Variants in ANK2 observed in about 807,000 individuals in gnomAD.
ANK2 encodes ankyrin 2.
Under a neutral mutation model 360.5 loss-of-function variants are expected in ANK2, and 83 were observed. The ratio of observed to expected loss-of-function variants is 0.23; its 90% CI spans 0.19 to 0.28. The LOEUF (loss-of-function observed/expected upper bound fraction) is 0.28, where lower values mean the gene tolerates loss of function less well. Among genes scored for constraint, ANK2 ranks in the 10% least tolerant of loss-of-function variants. The pLI is 1.00. For synonymous variants in ANK2, 1,740 were observed against 1,759.5 expected, an observed-to-expected ratio of 0.99 and a Z score of 0.28; for missense variants, 4,201 against 4,795.7, an observed-to-expected ratio of 0.88 and a Z score of 3.66.
chr4:113,367,936 T>A, intron 42 of ANK2, 85 bp downstream of exon 42: 1 of 1,502,238 alleles, frequency 6.7e-7, no homozygotes, highest in East Asian at 2.3e-5. Context: ...CATAACTAGT[T>A]TTTAAATACT....
At chr4:112,933,299 A>C (rs113363497) in intron 2 of ANK2, among the ~76,000 whole-genome samples, 2 of 152,174 alleles carry the variant, frequency 1.3e-5, no homozygotes, top group East Asian at 3.8e-4. Context: ...TCACTTTACA[A>C]GTCTCCCTCT....
chr4:112,822,744 CA>C (rs34963478), intron 1 of ANK2, among the ~76,000 whole-genome samples: 31 of 137,512 alleles, frequency 2.3e-4, no homozygotes, highest in Admixed American at 4.3e-4. Flanking sequence ...AACCCTGTCT[CA>C]AAAAAAAAAA....
chr4:112,820,864 G>A (rs1238043254), intron 1 of ANK2, among the ~76,000 whole-genome samples: 1 of 152,078 alleles, frequency 6.6e-6, no homozygotes, highest in Non-Finnish European at 1.5e-5. Flanking sequence ...AGACTCCTGA[G>A]TGACTGGGAC....
chr4:112,758,346 A>G, the ANK2 span, among the ~76,000 whole-genome samples: 4 of 152,316 alleles, frequency 2.6e-5, no homozygotes, highest in East Asian at 7.7e-4. Context: ...AATACGCTGC[A>G]TAATCTTTCA....
Position 113,258,139 on chromosome 4 carries a change from T to A in ANK2, c.1278T>A (p.Ala426=). ...TGAAATATGGGGCTTCAATCCAAGC[T>A]ATAACAGAGGTAGAAAAATGTTTTA... ...LLVKYGASIQ[A]ITESGLTPIH... The change falls in exon 12 of 46, where the codon GCT becomes GCA. Residue 426 remains alanine (A), a synonymous_variant. Transcript: ENST00000357077. 1 of 1,613,386 alleles carries A rather than the reference T, an allele frequency of 6.2e-7. No homozygotes were observed. Among genetic ancestry groups the A allele is most frequent in the Non-Finnish European group, 8.5e-7 (1 of 1,179,288 alleles).
At chr4:113,180,278 G>A (rs2098372689) in intron 2 of ANK2, among the ~76,000 whole-genome samples, 1 of 152,192 alleles carries the variant, frequency 6.6e-6, no homozygotes, top group Admixed American at 6.5e-5. Flanking sequence ...TCGGCAGTCA[G>A]CTTCTGCAGG....
intron 4 of ANK2, among the ~76,000 whole-genome samples, chr4:113,227,756 C>T (rs143385016): frequency 2.0e-5 from 3 of 152,148 alleles, no homozygotes; most frequent in Non-Finnish European, 4.4e-5. Flanking sequence ...GGCTTAATTA[C>T]GTAGGTATTT....
At chr4:113,099,762 G>T (rs2092480113) in intron 1 of ANK2, among the ~76,000 whole-genome samples, 1 of 152,012 alleles carries the variant, frequency 6.6e-6, no homozygotes, top group Admixed American at 6.6e-5. Context: ...TGTGGTACTG[G>T]TGAAAGAATT....
rs2153688656 is a variant in ANK2 at position 113,274,569 on chromosome 4, C to T, written c.1603C>T (p.His535Tyr). The T allele has an allele frequency of 1.2e-6, 2 of 1,614,208 alleles. No homozygotes were observed. The highest frequency in any genetic ancestry group is 1.7e-6 in the Non-Finnish European group (2 of 1,180,046). Reference protein sequence around the residue: ...AATTNGYTPLHISAREGQVDV... With the variant: ...AATTNGYTPLYISAREGQVDV... ...CACTACAAATGGGTACACACCACTG[C>T]ACATCTCTGCCCGGGAGGGCCAGGT... The change falls in exon 15 of 46, where the codon CAC (histidine) becomes TAC (tyrosine). Residue 535 changes from histidine (H) to tyrosine (Y), a missense_variant. Transcript: ENST00000357077.
At chr4:113,328,239 T>C (rs1456959488) in intron 26 of ANK2, among the ~76,000 whole-genome samples, 1 of 151,944 alleles carries the variant, frequency 6.6e-6, no homozygotes, top group Admixed American at 6.6e-5. Context: ...TGTGCACCAA[T>C]GGAGGCAGCA....
chr4:112,737,816 A>G, the ANK2 span, among the ~76,000 whole-genome samples: 26 of 152,286 alleles, frequency 1.7e-4, no homozygotes, highest in Non-Finnish European at 2.9e-4. Context: ...CATTTGTACA[A>G]AAGGAGGAAG....
intron 1 of ANK2, among the ~76,000 whole-genome samples, chr4:113,098,783 A>AAC (rs1170908234): frequency 6.6e-6 from 1 of 152,024 alleles, no homozygotes; most frequent in African/African-American, 2.4e-5. Context: ...AAAAATATTG[A>AAC]ACAGAAAGAT....
At chr4:113,292,263 C>T (rs1350192378) in intron 20 of ANK2, among the ~76,000 whole-genome samples, 153 bp from the exon 21 acceptor site, 1 of 152,210 alleles carries the variant, frequency 6.6e-6, no homozygotes, top group African/African-American at 2.4e-5. Flanking sequence ...GGAGTGTTTG[C>T]TGCTGAGAAA....
chr4:113,036,957 T>C (rs2061741192), intron 2 of ANK2, among the ~76,000 whole-genome samples: 1 of 152,012 alleles, frequency 6.6e-6, no homozygotes, highest in African/African-American at 2.4e-5. Flanking sequence ...CACAGCCTGC[T>C]GAATGTGCTG....
chr4:113,353,448 A>T lies in ANK2; in HGVS notation c.4830A>T (p.Glu1610Asp), dbSNP rs969090666. Residue 1610 changes from glutamate to aspartate, a missense_variant, in exon 38 of 46, where the codon GAA becomes GAT. By Grantham distance (45) the Glu-to-Asp change is conservative (BLOSUM62 2). Coordinates refer to ENST00000357077, the MANE Select transcript of ANK2 (RefSeq NM_001148.6). ...IEEARQKAPL[E>D]ITEYPCVEVR... ...AGGCTAGGCAAAAAGCACCTTTAGA[A>T]ATCACTGAATATCCATGTGTAGAAG... is the stretch of plus-strand genomic sequence containing the variant. 6.2e-7 allele frequency: 1 copy of T among 1,614,096 alleles called. No individual in the cohort carries two copies.
At chr4:112,931,130 T>C (rs369626178) in intron 2 of ANK2, among the ~76,000 whole-genome samples, 9 of 151,510 alleles carry the variant, frequency 5.9e-5, no homozygotes, top group East Asian at 5.8e-4. Context: ...CTCACAGTTA[T>C]GATAAGAGGT....
At chr4:112,865,243 T>C (rs2150167428) in intron 1 of ANK2, among the ~76,000 whole-genome samples, 1 of 152,062 alleles carries the variant, frequency 6.6e-6, no homozygotes, top group African/African-American at 2.4e-5. Flanking sequence ...GTCATGAAAC[T>C]TAATGTCGGC....
At chr4:112,858,908 A>G (rs145330592) in intron 1 of ANK2, among the ~76,000 whole-genome samples, 5 of 152,304 alleles carry the variant, frequency 3.3e-5, no homozygotes, top group Admixed American at 6.5e-5. Flanking sequence ...CTCCTCCCGT[A>G]AAACCTTTGT....
At chr4:112,797,819 A>G in the ANK2 span, 4 of 153,482 alleles carry the variant, frequency 2.6e-5, no homozygotes, top group Admixed American at 2.6e-4. Flanking sequence ...TCTACTTTAT[A>G]TTAATACAAT....
Sources: gnomAD v4.1 joint callset for allele counts (sites outside exome capture counted in the v4.1 genomes callset) on GRCh38, gnomAD v4.1.1 for gene constraint, MANE v1.5 for transcripts, NCBI Gene and HGNC (gene_info 2026-07-23, HGNC 2026-07-21) for gene names.